Variants in CS observed in about 807,000 individuals in gnomAD.
CS encodes citrate synthase.
CS carries 13 observed loss-of-function variants against 61.4 expected under a neutral mutation model. The ratio of observed to expected loss-of-function variants is 0.21; its 90% CI spans 0.14 to 0.34. The LOEUF (loss-of-function observed/expected upper bound fraction) is 0.34, where lower values mean the gene tolerates loss of function less well. Ranked by LOEUF, CS falls within the 10% of genes least tolerant of loss-of-function variation. CS has a pLI of 1.00. For missense variants in CS, 278 were observed against 573.4 expected, an observed-to-expected ratio of 0.48 and a Z score of 5.26; for synonymous variants, 159 against 215.2, an observed-to-expected ratio of 0.74 and a Z score of 2.29.
chr12:56,285,480 A>T (rs1379495783), intron 3 of CS, among the ~76,000 whole-genome samples: 2 of 152,088 alleles, frequency 1.3e-5, no homozygotes, highest in Non-Finnish European at 1.5e-5. Flanking sequence ...TAGAGATTGT[A>T]TCTTCCTTTG....
chr12:56,274,588 C>T lies in CS; in HGVS notation c.1020+189G>A, dbSNP rs1872585991. 3.7e-5 allele frequency: 19 copies of T among 512,682 alleles called. No individual in the cohort carries two copies. The East Asian group carries it at 6.5e-4, about 17-fold the overall frequency. 31.8% of individuals were successfully genotyped at this position (512,682 alleles called of 1,614,324 possible). A position where few individuals can be genotyped will look rare whatever the true frequency, so the allele number is the denominator to read the frequency against. On this transcript the variant is annotated intron_variant, in intron 9 of 10. Coordinates refer to ENST00000351328, the MANE Select transcript of CS (RefSeq NM_004077.3). Reference sequence around the variant, plus strand: ...AAGCAATCCTCTTGCCTCAGCCTCCCAAGTAGGTGGGACTACAGGTGCATG... The same window carrying T: ...AAGCAATCCTCTTGCCTCAGCCTCCTAAGTAGGTGGGACTACAGGTGCATG...
chr12:56,274,028 G>T (rs1473425807), intron 9 of CS: 2 of 530,952 alleles, frequency 3.8e-6, no homozygotes, highest in Non-Finnish European at 6.7e-6. Context: ...TAAAGATGGG[G>T]TCTGGCCGTG....
chr12:56,286,406 A>G, intron 2 of CS, 189 bp downstream of exon 2: 1 of 572,762 alleles, frequency 1.7e-6, no homozygotes, highest in Admixed American at 3.1e-5. Context: ...CCATCTCACT[A>G]TACCACTGAG....
At chr12:56,277,445 G>T (rs905492597) in intron 6 of CS, among the ~76,000 whole-genome samples, 2 of 150,778 alleles carry the variant, frequency 1.3e-5, no homozygotes, top group African/African-American at 2.4e-5. Flanking sequence ...CTTGCAGTGA[G>T]CCAAGATCGT....
rs151038794 is a variant in CS at position 56,298,728 on chromosome 12, T to G, written c.42+1432A>C. 197 of 967,608 alleles carry G rather than the reference T, an allele frequency of 2.0e-4. 2 individuals are homozygous for G. In the African/African-American group the frequency reaches 3.4e-3, roughly 16 times the overall value. 59.9% of individuals were successfully genotyped at this position (967,608 alleles called of 1,614,324 possible). On this transcript the variant is annotated intron_variant, in intron 1 of 10. Transcript: ENST00000351328. ...AAGGTAAATCTTACAAATTTCACTTTGTGCCAACCATGAAAAATAACGCAC... is the reference window on the plus strand; with the variant it reads ...AAGGTAAATCTTACAAATTTCACTTGGTGCCAACCATGAAAAATAACGCAC...
Position 56,300,272 on chromosome 12 carries a change from G to C in CS, c.-71C>G. 1 of 1,477,344 alleles carries C rather than the reference G, an allele frequency of 6.8e-7. No individual in the cohort carries two copies. Among genetic ancestry groups the C allele is most frequent in the Non-Finnish European group, 9.1e-7 (1 of 1,094,542 alleles). 91.5% of individuals were successfully genotyped at this position (1,477,344 alleles called of 1,614,324 possible). ...AGCTGCGGCAGGAACAGGAGCCGCC[G>C]CCGCTGCACCAGAGGCCGCGCCGAC... On this transcript the variant is annotated 5_prime_UTR_variant, in exon 1 of 11. Transcript: ENST00000351328.
intron 1 of CS, among the ~76,000 whole-genome samples, chr12:56,298,926 C>T (rs11171796): frequency 0.29 from 44,325 of 151,712 alleles, 7,101 homozygotes; most frequent in Non-Finnish European, 0.37. Context: ...CCTGTGGTCC[C>T]AGCTACTCGG....
At position 56,282,593 on chromosome 12, in the gene CS, T is replaced by C; in HGVS notation, c.415A>G (p.Lys139Glu). The change falls in exon 6 of 11, where the codon AAA becomes GAA. Residue 139 changes from lysine (K) to glutamate (E), a missense_variant. Lys to Glu is a moderately conservative substitution (Grantham distance 56). Around this residue, in one of 2 missense-constraint regions of CS, gnomAD observed 223 missense variants for 503.5 expected, o/e 0.44. Transcript: ENST00000351328. ...AGAGCTGCCCTCTTTGCCCACTCTT[T>C]TGAGAGCCAAGATACCTGTGGAAAA... ...PTEEQVSWLS[K>E]EWAKRAALPS... 2 of 1,606,346 alleles carry C rather than the reference T, an allele frequency of 1.2e-6. No individual in the cohort carries two copies. The highest frequency in any genetic ancestry group is 1.7e-6 in the Non-Finnish European group (2 of 1,176,530).
At position 56,273,075 on chromosome 12, in the gene CS, T is replaced by C. The variant is rs1462430859; in HGVS notation, c.*9A>G. The C allele has an allele frequency of 1.3e-6, 2 of 1,595,912 alleles. No individual in the cohort carries two copies. The highest frequency in any genetic ancestry group is 1.7e-6 in the Non-Finnish European group (2 of 1,171,950). ...CTTTCTGGTAGTCACTTTCACCCAG[T>C]CTCCAGTTTTACCCTGACTTAGAGT... is the stretch of plus-strand genomic sequence containing the variant. On this transcript the variant is annotated 3_prime_UTR_variant, in exon 11 of 11. Transcript: ENST00000351328.
intron 1 of CS, among the ~76,000 whole-genome samples, chr12:56,298,296 C>T (rs1873371746): frequency 6.6e-6 from 1 of 152,290 alleles, no homozygotes; most frequent in East Asian, 1.9e-4. Flanking sequence ...CTGCACCTGA[C>T]CTACTTTTAA....
intron 7 of CS, 71 bp downstream of exon 7, chr12:56,275,925 T>C (rs1339556325): frequency 5.3e-6 from 7 of 1,325,576 alleles, no homozygotes; most frequent in Admixed American, 3.4e-5. Flanking sequence ...GATGAGAACA[T>C]AAAGGAGCTT....
At chr12:56,282,725 T>C (rs1001475440) in intron 5 of CS, 117 bp from the exon 6 acceptor site, 59 of 1,523,500 alleles carry the variant, frequency 3.9e-5, no homozygotes, top group Non-Finnish European at 5.1e-5. Context: ...AATCCATTTA[T>C]ACAGCAGAAC....
intron 6 of CS, 184 bp downstream of exon 6, chr12:56,282,236 T>G (rs960117387): frequency 2.0e-6 from 1 of 495,200 alleles, no homozygotes; most frequent in Admixed American, 3.9e-5. Flanking sequence ...ATAGAAACCA[T>G]GCTCTACTTA....
chr12:56,283,933 T>G (rs1872851803), intron 3 of CS, 76 bp from the exon 4 acceptor site: 1 of 1,081,162 alleles, frequency 9.2e-7, no homozygotes, highest in South Asian at 1.4e-5. Context: ...CTAGAACTTG[T>G]TAGAGCTTCA....
chr12:56,290,373 G>A lies in CS; in HGVS notation c.43-3728C>T, dbSNP rs151091274. Among the ~76,000 whole-genome samples, 991 of 151,874 alleles carry A rather than the reference G, an allele frequency of 6.5e-3. 11 individuals carry two copies. The highest frequency in any genetic ancestry group is 0.023 in the African/African-American group (938 of 41,412). On this transcript the variant is annotated intron_variant, in intron 1 of 10. Transcript: ENST00000351328. ...ATTACAGGTGCACACCAACACACCC[G>A]GCTAATTTTTTGTATTTTTAGTAGA...
intron 4 of CS, among the ~76,000 whole-genome samples, chr12:56,283,306 C>T (rs930255321): frequency 1.8e-4 from 28 of 152,036 alleles, no homozygotes; most frequent in African/African-American, 1.7e-4. Flanking sequence ...TGCAGTGGTG[C>T]GATCTCGGCT....
chr12:56,285,888 T>C (rs757340208), intron 3 of CS, 28 bp downstream of exon 3: 1 of 1,575,470 alleles, frequency 6.3e-7, no homozygotes, highest in East Asian at 2.2e-5. Context: ...AGAGCTACTT[T>C]TCCCAGCCAA....
chr12:56,292,180 G>A (rs1350768336), intron 1 of CS, among the ~76,000 whole-genome samples: 3 of 151,998 alleles, frequency 2.0e-5, no homozygotes, highest in African/African-American at 7.3e-5. Context: ...GGCAGATCAC[G>A]GGGTCAGGAG....
Position 56,280,033 on chromosome 12 carries a change from A to T in CS, c.588+2387T>A, listed in dbSNP as rs149887342. ...GGTGGCTCACGCCTATAATCCCAGC[A>T]CTTTGGGGAAGAGGTGGGCGAATCA... On this transcript the variant is annotated intron_variant, in intron 6 of 10. Transcript: ENST00000351328. 9.2e-5 allele frequency among the ~76,000 whole-genome samples: 14 copies of T among 152,252 alleles called. No homozygotes were observed. In the East Asian group the frequency reaches 2.3e-3, roughly 25 times the overall value.
Sources: gnomAD v4.1 joint callset for allele counts (sites outside exome capture counted in the v4.1 genomes callset) on GRCh38, gnomAD v4.1.1 for gene constraint, gnomAD v4.1.1 regional missense constraint, MANE v1.5 for transcripts, NCBI Gene and HGNC (gene_info 2026-07-23, HGNC 2026-07-21) for gene names.